The following HNRNPUL1 variants were observed in gnomAD, a reference collection of about 807,000 sequenced individuals.
HNRNPUL1 encodes the protein heterogeneous nuclear ribonucleoprotein U-like protein 1.
Under a neutral mutation model 108.5 loss-of-function variants are expected in HNRNPUL1, and 14 were observed. The ratio of observed to expected loss-of-function variants is 0.13; its 90% CI spans 0.09 to 0.20. HNRNPUL1 has a LOEUF of 0.20. HNRNPUL1 is among the 10% of genes least tolerant of loss of function. HNRNPUL1 has a pLI of 1.00. For synonymous variants in HNRNPUL1, 422 were observed against 445.2 expected (o/e 0.95, Z 0.66); for missense variants, 804 against 1,168.3 (o/e 0.69, Z 4.55).
chr19:41,302,979 C>CT, intron 12 of HNRNPUL1, 30 bp downstream of exon 12: 1 of 1,508,032 alleles, frequency 6.6e-7, no homozygotes, highest in Non-Finnish European at 8.9e-7. Flanking sequence ...GCACTCTCCA[C>CT]TTTCTGTTCC....
At chr19:41,283,721 G>A (rs2036044977) in intron 7 of HNRNPUL1, among the ~76,000 whole-genome samples, 1 of 152,004 alleles carries the variant, frequency 6.6e-6, no homozygotes, top group African/African-American at 2.4e-5. Context: ...CTCCCAAAGT[G>A]CTGGGATTAC....
intron 1 of HNRNPUL1, among the ~76,000 whole-genome samples, chr19:41,267,552 CTT>C (rs1361043581): frequency 2.0e-5 from 3 of 152,238 alleles, no homozygotes; most frequent in Non-Finnish European, 4.4e-5. Flanking sequence ...TGACCTGTGA[CTT>C]TCCTCCCTTT....
At chr19:41,285,101 TGCTGAATTTAATGCCA>T (rs1395900477) in intron 7 of HNRNPUL1, among the ~76,000 whole-genome samples, 7 of 152,138 alleles carry the variant, frequency 4.6e-5, no homozygotes, top group Middle Eastern at 3.2e-3. Context: ...GATCTAAAGC[TGCTGAATTTAATGCCA>T]GCAAAGGATG....
At chr19:41,300,034 AGAGGAG>A (rs2037112424) in intron 10 of HNRNPUL1, among the ~76,000 whole-genome samples, 1 of 152,072 alleles carries the variant, frequency 6.6e-6, no homozygotes, top group Admixed American at 6.6e-5. Flanking sequence ...TTGATTTTAC[AGAGGAG>A]CAGGCTGAGG....
rs535149996 is a variant in HNRNPUL1, at chr19:41,299,940, T to C, written c.1519-1596T>C. ...GTTGGCTATGAGCCAGGGCCTGGGC[T>C]TAGACGAGGGCTTTTACTCACGTGG... On this transcript the variant is annotated intron_variant, in intron 10 of 14. Coordinates refer to ENST00000392006, the MANE Select transcript of HNRNPUL1 (RefSeq NM_007040.6). Among the ~76,000 whole-genome samples, 30 of 152,178 alleles carry C rather than the reference T, an allele frequency of 2.0e-4. No homozygotes were observed. The East Asian group carries it at 5.4e-3, about 28-fold the overall frequency.
chr19:41,264,401 GCC>G lies in HNRNPUL1; in HGVS notation c.-95_-94del. On this transcript the variant is annotated 5_prime_UTR_variant, in exon 1 of 15. Coordinates refer to ENST00000392006, the MANE Select transcript of HNRNPUL1 (RefSeq NM_007040.6). Reference sequence around the variant, plus strand: ...TGAGCCGCTGCCGCCATTGGAGTGGGCCCCCCCCCTTTCCCCCTTCGCCTCCT... The same window carrying G: ...TGAGCCGCTGCCGCCATTGGAGTGGGCCCCCCCTTTCCCCCTTCGCCTCCT... 1.0e-6 allele frequency: 1 copy of G among 988,560 alleles called. No individual in the cohort carries two copies. The highest frequency in any genetic ancestry group is 1.3e-6 in the Non-Finnish European group (1 of 753,900). The allele number at this position is 988,560 out of a possible 1,614,324, so 61.2% of individuals were successfully genotyped here. A position where few individuals can be genotyped will look rare whatever the true frequency, so the allele number is the denominator to read the frequency against.
At position 41,294,494 on chromosome 19, in the gene HNRNPUL1, T is replaced by A; in HGVS notation, c.1389+34T>A. ...AGCCACTGGACTCTCCTTACTCACC[T>A]CCAACCTACTGAGTGCTGCCCTGCA... On this transcript the variant is annotated intron_variant, in intron 9 of 14. Coordinates refer to ENST00000392006, the MANE Select transcript of HNRNPUL1 (RefSeq NM_007040.6). The surrounding 1 kb of genome is among the most constrained non-coding windows in gnomAD (Gnocchi z 4.3). The A allele has an allele frequency of 6.2e-7, 1 of 1,614,010 alleles. No homozygotes were observed. Among genetic ancestry groups the A allele is most frequent in the Non-Finnish European group, 8.5e-7 (1 of 1,179,938 alleles).
intron 2 of HNRNPUL1, 66 bp downstream of exon 2, chr19:41,268,411 C>T (rs2034993198): frequency 6.5e-7 from 1 of 1,527,672 alleles, no homozygotes; most frequent in Non-Finnish European, 8.9e-7. Flanking sequence ...TTACCCCCTG[C>T]TTAGAGCGGG....
At chr19:41,265,118 A>G in intron 1 of HNRNPUL1, 4 of 1,419,456 alleles carry the variant, frequency 2.8e-6, no homozygotes, top group Non-Finnish European at 2.7e-6. Flanking sequence ...CGGAAGAACA[A>G]GAGGTTTTCC....
At position 41,264,763 on chromosome 19, in the gene HNRNPUL1, C is replaced by T. The variant is rs1055080637; in HGVS notation, c.260C>T (p.Ala87Val). The T allele has an allele frequency of 7.3e-7, 1 of 1,375,146 alleles. No individual in the cohort carries two copies. The highest frequency in any genetic ancestry group is 1.7e-5 in the South Asian group (1 of 59,334). The allele number at this position is 1,375,146 out of a possible 1,614,324, so 85.2% of individuals were successfully genotyped here. The change falls in exon 1 of 15, where the codon GCG (alanine) becomes GTG (valine). Residue 87 changes from alanine to valine, a missense_variant. Physicochemically the swap from Ala to Val is moderately conservative, Grantham distance 64. Transcript: ENST00000392006. ...QPPPPGLQPH[A>V]EPGGYSGPDG... ...CCGCCGCCCGGGCTGCAGCCGCACG[C>T]GGAGCCCGGCGGCTACTCGGGGCCG... is the stretch of plus-strand genomic sequence containing the variant.
intron 3 of HNRNPUL1, 51 bp downstream of exon 3, chr19:41,272,286 A>G (rs779675934): frequency 1.9e-5 from 30 of 1,578,774 alleles, no homozygotes; most frequent in Non-Finnish European, 2.2e-5. Flanking sequence ...TTCTATATCC[A>G]TAGCCTCGTG....
In HNRNPUL1 at chr19:41,264,524, G is replaced by A. The variant is rs1357477056; in HGVS notation, c.21G>A (p.Lys7=). The change falls in exon 1 of 15, where the codon AAG becomes AAA. Residue 7 remains lysine (K), a synonymous_variant. Coordinates refer to ENST00000392006, the MANE Select transcript of HNRNPUL1 (RefSeq NM_007040.6). Reference sequence around the variant, plus strand: ...GGGCCATGGATGTGCGCCGTCTGAAGGTGAACGAACTTCGCGAGGAGCTGC... The same window carrying A: ...GGGCCATGGATGTGCGCCGTCTGAAAGTGAACGAACTTCGCGAGGAGCTGC... The part of the protein sequence containing the change: MDVRRL[K]VNELREELQR... 1 of 1,465,132 alleles carries A rather than the reference G, an allele frequency of 6.8e-7. No homozygotes were observed. Among genetic ancestry groups the A allele is most frequent in the Non-Finnish European group, 9.0e-7 (1 of 1,108,932 alleles). 90.8% of individuals were successfully genotyped at this position (1,465,132 alleles called of 1,614,324 possible). A position where few individuals can be genotyped will look rare whatever the true frequency, so the allele number is the denominator to read the frequency against.
At chr19:41,271,765 G>T (rs534064286) in intron 2 of HNRNPUL1, among the ~76,000 whole-genome samples, 17 of 152,352 alleles carry the variant, frequency 1.1e-4, no homozygotes, top group African/African-American at 4.1e-4. Context: ...CAGGACCACA[G>T]TACCCTGTTG....
chr19:41,289,750 G>A (rs1311170105), intron 7 of HNRNPUL1, among the ~76,000 whole-genome samples: 1 of 128,712 alleles, frequency 7.8e-6, no homozygotes, highest in Non-Finnish European at 1.6e-5. Context: ...GAGTCTTGCT[G>A]TTGCCCGGCT....
At chr19:41,264,069 T>C (rs759921791), upstream of HNRNPUL1, among the ~76,000 whole-genome samples, 20 of 152,216 alleles carry the variant, frequency 1.3e-4, no homozygotes, top group Non-Finnish European at 2.5e-4. Context: ...TTACCGTTGA[T>C]TGGACCAAAT....
chr19:41,279,140 A>G lies in HNRNPUL1; in HGVS notation c.850A>G (p.Ile284Val), dbSNP rs749704371. 1.2e-6 allele frequency: 2 copies of G among 1,613,786 alleles called. No homozygotes were observed. Among genetic ancestry groups the G allele is most frequent in the Non-Finnish European group, 1.7e-6 (2 of 1,179,992 alleles). ...STEPDPHVVR[I>V]GWSLDSCSTQ... is the part of the protein sequence containing the mutation. ...AGAGCCTGACCCCCACGTGGTCCGT[A>G]TCGGCTGGTCCCTGGACTCCTGCAG... Residue 284 changes from isoleucine to valine, a missense_variant, in exon 6 of 15, where the codon ATC (isoleucine) becomes GTC (valine). Around this residue, in one of 4 missense-constraint regions of HNRNPUL1, gnomAD observed 174 missense variants for 296.6 expected, o/e 0.59. Coordinates refer to ENST00000392006, the MANE Select transcript of HNRNPUL1 (RefSeq NM_007040.6).
intron 7 of HNRNPUL1, among the ~76,000 whole-genome samples, chr19:41,281,892 C>T (rs1300682783): frequency 6.6e-6 from 1 of 152,180 alleles, no homozygotes; most frequent in Non-Finnish European, 1.5e-5. Context: ...GGCAATTTAC[C>T]CTTCTTGTTT....
intron 1 of HNRNPUL1, chr19:41,265,217 G>A: frequency 6.6e-7 from 1 of 1,514,990 alleles, no homozygotes; most frequent in South Asian, 1.2e-5. Flanking sequence ...CGTGTGGGCT[G>A]GGGGGTGGGG....
At chr19:41,303,043 A>C in intron 12 of HNRNPUL1, 94 bp downstream of exon 12, 1 of 1,367,810 alleles carries the variant, frequency 7.3e-7, no homozygotes, top group Non-Finnish European at 9.8e-7. Flanking sequence ...AAGTTTTCTG[A>C]GCTCCAGCTG....
Sources: gnomAD v4.1 joint callset for allele counts (sites outside exome capture counted in the v4.1 genomes callset) on GRCh38, gnomAD v4.1.1 for gene constraint, gnomAD v4.1.1 regional missense constraint, Gnocchi (gnomAD v3.1) non-coding constraint, MANE v1.5 for transcripts, NCBI Gene and HGNC (gene_info 2026-07-23, HGNC 2026-07-21) for gene names.